DMBT1: variants seen among roughly 807,000 people sequenced by gnomAD.
DMBT1 encodes scavenger receptor cysteine-rich domain-containing protein DMBT1.
Under a neutral mutation model 252.9 loss-of-function variants are expected in DMBT1, and 198 were observed. The observed-to-expected ratio is 0.78, with a 90% CI of 0.70 to 0.88. The LOEUF is 0.88. Among genes scored for constraint, DMBT1 ranks in the 40% least tolerant of loss-of-function variants. DMBT1 has a pLI of 0.00. For synonymous variants in DMBT1, 990 were observed against 942.7 expected (o/e 1.05, Z -0.92); for missense variants, 2,432 against 2,404.7 (o/e 1.01, Z -0.24).
chr10:122,628,737 T>C (rs2098136467), intron 46 of DMBT1, among the ~76,000 whole-genome samples: 1 of 152,216 alleles, frequency 6.6e-6, no homozygotes. Context: ...AACTACCATA[T>C]TGTACAATTT....
intron 1 of DMBT1, 93 bp downstream of exon 1, chr10:122,560,924 T>C: frequency 1.0e-6 from 1 of 966,860 alleles, no homozygotes; most frequent in Non-Finnish European, 1.6e-6. Flanking sequence ...AAGGGAAGTT[T>C]TATATCAAAG....
At chr10:122,568,879 A>G (rs777567353) in intron 2 of DMBT1, among the ~76,000 whole-genome samples, 1 of 152,226 alleles carries the variant, frequency 6.6e-6, no homozygotes, top group Non-Finnish European at 1.5e-5. Context: ...ATGTGGCCAC[A>G]GGGAAGATGC....
At chr10:122,578,466 G>C (rs529378884) in intron 8 of DMBT1, among the ~76,000 whole-genome samples, 1 of 152,134 alleles carries the variant, frequency 6.6e-6, no homozygotes, top group East Asian at 1.9e-4. Flanking sequence ...GTGGGGGATG[G>C]GGGTGGTGAA....
At position 122,621,396 on chromosome 10, in the gene DMBT1, C is replaced by G. The variant is rs2098067132; in HGVS notation, c.5608+16C>G. On this transcript the variant is annotated intron_variant, in intron 44 of 55. Coordinates refer to ENST00000338354, the MANE Select transcript of DMBT1 (RefSeq NM_001377530.1). ...ATCTGCTCAGGTGGGCCTTCAAGAC[C>G]TGGGGCTCCCTCTCTTGGGGTGGAG... 6.2e-7 allele frequency: 1 copy of G among 1,613,694 alleles called. No homozygotes were observed. Among genetic ancestry groups the G allele is most frequent in the Admixed American group, 1.7e-5 (1 of 60,002 alleles).
intron 46 of DMBT1, among the ~76,000 whole-genome samples, chr10:122,628,476 A>G (rs1228146724): frequency 1.3e-5 from 2 of 152,098 alleles, no homozygotes; most frequent in African/African-American, 4.8e-5. Flanking sequence ...TCTCTACTAA[A>G]AATACAAAAA....
rs187802884 is a variant in DMBT1, at chr10:122,640,250, A to G, written c.7153A>G (p.Asn2385Asp). The change falls in exon 55 of 56, where the codon AAC (asparagine) becomes GAC (aspartate). Residue 2385 changes from asparagine (N) to aspartate (D), a missense_variant. Transcript: ENST00000338354. ...EEVQYGNFDV[N>D]ISFYTSSSFL... ...AGTCCAGTATGGCAATTTTGACGTG[A>G]ACATTTCCTTTTATACTTCCTCATC... The G allele has an allele frequency of 1.2e-6, 2 of 1,614,034 alleles. No individual in the cohort carries two copies. The highest frequency in any genetic ancestry group is 8.5e-7 in the Non-Finnish European group (1 of 1,179,894).
At position 122,597,035 on chromosome 10, in the gene DMBT1, C is replaced by T; in HGVS notation, c.2898C>T (p.Ser966=). The T allele has an allele frequency of 3.4e-6, 2 of 584,758 alleles. No individual in the cohort carries two copies. Among genetic ancestry groups the T allele is most frequent in the South Asian group, 4.5e-5 (2 of 44,670 alleles). The allele number at this position is 584,758 out of a possible 1,614,324, so 36.2% of individuals were successfully genotyped here. Residue 966 remains serine, a synonymous_variant, in exon 24 of 56, where the codon TCC becomes TCT. Transcript: ENST00000338354. ...TCCTCTTTCTCACAGCTGCCCACTC[C>T]TGGTCGACGCCCAGTCCAGGTGAGT... is the stretch of plus-strand genomic sequence containing the variant. ...DAGVICSAAH[S]WSTPSPDTLP...
Position 122,598,829 on chromosome 10 carries a change from C to T in DMBT1, c.3012C>T (p.Gly1004=), listed in dbSNP as rs1268824636. 1 of 1,613,614 alleles carries T rather than the reference C, an allele frequency of 6.2e-7. No homozygotes were observed. Among genetic ancestry groups the T allele is most frequent in the East Asian group, 2.2e-5 (1 of 44,864 alleles). The stretch of plus-strand genomic sequence containing the variant: ...TGAATGGAGGTGACAGGTGTCAGGG[C>T]CGAGTGGAGGTCCTATACCAAGGCT... ...RLVNGGDRCQ[G]RVEVLYQGSW... The change falls in exon 26 of 56, where the codon GGC becomes GGT. Residue 1004 remains glycine, a synonymous_variant. Coordinates refer to ENST00000338354, the MANE Select transcript of DMBT1 (RefSeq NM_001377530.1).
chr10:122,631,977 A>T, intron 50 of DMBT1, 102 bp downstream of exon 50: 1 of 1,343,166 alleles, frequency 7.4e-7, no homozygotes, highest in Non-Finnish European at 1.1e-6. Context: ...CAAGGAGTTC[A>T]TCTGTGGTAC....
rs1241302358 is a variant in DMBT1 at position 122,592,568 on chromosome 10, C to A, written c.2473C>A (p.His825Asn). The A allele has an allele frequency of 3.8e-6, 6 of 1,588,416 alleles. No individual in the cohort carries two copies. Among genetic ancestry groups the A allele is most frequent in the South Asian group, 1.2e-5 (1 of 86,936 alleles). ...CTGGCTCTCCCACAACTGTGGCCAT[C>A]ATGAAGATGCTGGTGTCATCTGCTC... ...NGWLSHNCGHHEDAGVICSVS... is the reference protein window; with the variant it reads ...NGWLSHNCGHNEDAGVICSVS... The change falls in exon 20 of 56, where the codon CAT becomes AAT. Residue 825 changes from histidine to asparagine, a missense_variant. His to Asn is a moderately conservative substitution (Grantham distance 68). This residue lies in a region of DMBT1 where 1,264 missense variants were observed against 1,082.2 expected (regional missense o/e 1.17). Coordinates refer to ENST00000338354, the MANE Select transcript of DMBT1 (RefSeq NM_001377530.1).
intron 26 of DMBT1, among the ~76,000 whole-genome samples, chr10:122,599,658 C>T (rs2097920960): frequency 6.6e-6 from 1 of 152,224 alleles, no homozygotes; most frequent in African/African-American, 2.4e-5. Flanking sequence ...TGCCCCAGGT[C>T]TGGTGTGGGG....
chr10:122,590,991 C>T (rs2097845272), intron 18 of DMBT1, among the ~76,000 whole-genome samples: 1 of 148,602 alleles, frequency 6.7e-6, no homozygotes, highest in African/African-American at 2.4e-5. Context: ...TACCTCCATT[C>T]CTCACTCCTT....
At chr10:122,629,746 A>G (rs779789632) in intron 46 of DMBT1, 94 bp from the exon 47 acceptor site, 3 of 1,434,762 alleles carry the variant, frequency 2.1e-6, no homozygotes, top group Non-Finnish European at 2.8e-6. Flanking sequence ...TAAAGTGCAG[A>G]AGATGAAACT....
chr10:122,618,131 C>T lies in DMBT1; in HGVS notation c.5006C>T (p.Thr1669Ile), dbSNP rs995637025. The change falls in exon 41 of 56, where the codon ACC (threonine) becomes ATC (isoleucine). Residue 1669 changes from threonine (T) to isoleucine (I), a missense_variant. Physicochemically the swap from Thr to Ile is moderately conservative, Grantham distance 89 (BLOSUM62 -1). This residue lies in a region of DMBT1 where 1,162 missense variants were observed against 1,169.0 expected (regional missense o/e 0.99). Coordinates refer to ENST00000338354, the MANE Select transcript of DMBT1 (RefSeq NM_001377530.1). Reference protein sequence around the residue: ...WGTVCDDYWDTNDANVVCRQL... With the variant: ...WGTVCDDYWDINDANVVCRQL... Reference sequence around the variant, plus strand: ...ACCGTGTGTGATGACTACTGGGACACCAATGATGCCAACGTGGTCTGCAGG... The same window carrying T: ...ACCGTGTGTGATGACTACTGGGACATCAATGATGCCAACGTGGTCTGCAGG... 1 of 1,613,972 alleles carries T rather than the reference C, an allele frequency of 6.2e-7. No homozygotes were observed. Among genetic ancestry groups the T allele is most frequent in the Non-Finnish European group, 8.5e-7 (1 of 1,179,888 alleles).
At chr10:122,627,888 A>G (rs2098129536) in intron 46 of DMBT1, among the ~76,000 whole-genome samples, 1 of 152,242 alleles carries the variant, frequency 6.6e-6, no homozygotes, top group Non-Finnish European at 1.5e-5. Flanking sequence ...AAAGACCTGA[A>G]AGATATTTCT....
At chr10:122,575,530 G>C (rs2097705001) in intron 6 of DMBT1, among the ~76,000 whole-genome samples, 1 of 152,008 alleles carries the variant, frequency 6.6e-6, no homozygotes, top group African/African-American at 2.4e-5. Flanking sequence ...TTTTGGGGGG[G>C]TGTGGTGGGG....
Position 122,585,201 on chromosome 10 carries a change from G to A in DMBT1, c.1421-70G>A, listed in dbSNP as rs2097778978. 7.1e-6 allele frequency: 11 copies of A among 1,548,378 alleles called. 2 individuals carry two copies. Among genetic ancestry groups the A allele is most frequent in the Admixed American group, 1.7e-5 (1 of 59,310 alleles). On this transcript the variant is annotated intron_variant, in intron 14 of 55. Coordinates refer to ENST00000338354, the MANE Select transcript of DMBT1 (RefSeq NM_001377530.1). ...AGTTTTCATGATGCTCGCCTTCTCCGGAGACTTTTCCTTTTGGAGATTTTC... is the reference window on the plus strand; with the variant it reads ...AGTTTTCATGATGCTCGCCTTCTCCAGAGACTTTTCCTTTTGGAGATTTTC...
chr10:122,573,964 A>G (rs2097689341), intron 6 of DMBT1, among the ~76,000 whole-genome samples: 1 of 152,026 alleles, frequency 6.6e-6, no homozygotes, highest in African/African-American at 2.4e-5. Context: ...CAACTTGAAG[A>G]CGCGTCTCCA....
chr10:122,643,330 A>G lies in DMBT1; in HGVS notation c.7561A>G (p.Lys2521Glu). ...SKRDVGSYQE[K>E]VDVVLGPIQL... is the part of the protein sequence containing the mutation. ...GAGGGATGTGGGCTCCTACCAGGAA[A>G]AGGTGGACGTCGTCCTGGGTCCCAT... Residue 2521 changes from lysine (K) to glutamate (E), a missense_variant, in exon 56 of 56, where the codon AAG becomes GAG. By Grantham distance (56) the Lys-to-Glu change is moderately conservative (BLOSUM62 1). Transcript: ENST00000338354. 1 of 1,613,884 alleles carries G rather than the reference A, an allele frequency of 6.2e-7. No individual in the cohort carries two copies. Among genetic ancestry groups the G allele is most frequent in the Non-Finnish European group, 8.5e-7 (1 of 1,179,858 alleles).
Sources: gnomAD v4.1 joint callset for allele counts (sites outside exome capture counted in the v4.1 genomes callset) on GRCh38, gnomAD v4.1.1 for gene constraint, gnomAD v4.1.1 regional missense constraint, MANE v1.5 for transcripts, NCBI Gene and HGNC (gene_info 2026-07-23, HGNC 2026-07-21) for gene names.